The following CGREF1 variants were observed in gnomAD, a reference collection of about 807,000 sequenced individuals.
The protein encoded by CGREF1 is cell growth regulator with EF-hand domain 1, also known as cell growth regulator with EF hand domain protein 1.
A neutral mutation model predicts 17.4 loss-of-function variants in CGREF1; 16 were observed. The observed-to-expected ratio is 0.92, with a 90% CI of 0.62 to 1.40. The LOEUF (loss-of-function observed/expected upper bound fraction) is 1.40, where lower values mean the gene tolerates loss of function less well. Among genes scored for constraint, CGREF1 ranks in the 40% most tolerant of loss-of-function variants. The probability of loss-of-function intolerance (pLI) is 0.00; values close to 1 mark genes in which losing one functional copy is unlikely to be tolerated. For missense variants in CGREF1, 296 were observed against 376.4 expected (o/e 0.79, Z 1.77); for synonymous variants, 142 against 154.6 (o/e 0.92, Z 0.61).
chr2:27,117,780 C>T (rs1443421940), intron 1 of CGREF1, among the ~76,000 whole-genome samples: 1 of 149,744 alleles, frequency 6.7e-6, no homozygotes, highest in African/African-American at 2.5e-5. Flanking sequence ...ACGATCTCGG[C>T]TCACAGCAAG....
At chr2:27,111,142 G>GC (rs538875845) in intron 1 of CGREF1, among the ~76,000 whole-genome samples, 98 of 152,272 alleles carry the variant, frequency 6.4e-4, no homozygotes, top group African/African-American at 1.0e-3. Flanking sequence ...CTCTTATCCG[G>GC]CCCCCACCCA....
intron 2 of CGREF1, chr2:27,102,830 AAAC>A: frequency 1.4e-6 from 1 of 712,656 alleles, no homozygotes; most frequent in African/African-American, 1.9e-5. Flanking sequence ...AACCCAAATA[AAAC>A]AACTGGTTAG....
chr2:27,110,406 T>TACAC (rs56066812), intron 1 of CGREF1, among the ~76,000 whole-genome samples: 1 of 150,744 alleles, frequency 6.6e-6, no homozygotes, highest in Admixed American at 6.6e-5. Flanking sequence ...TCCAAAAAAA[T>TACAC]ACACACACAC....
intron 1 of CGREF1, among the ~76,000 whole-genome samples, chr2:27,105,380 A>G (rs554699586): frequency 6.6e-6 from 1 of 152,176 alleles, no homozygotes; most frequent in African/African-American, 2.4e-5. Context: ...CACTGCCAGG[A>G]TGGACTTCCA....
intron 1 of CGREF1, among the ~76,000 whole-genome samples, chr2:27,106,327 C>T (rs1033191073): frequency 4.6e-5 from 7 of 152,204 alleles, no homozygotes; most frequent in African/African-American, 1.7e-4. Context: ...TTAGGAGTAT[C>T]TGCCAAACCA....
chr2:27,100,269 G>A, downstream of CGREF1: 1 of 418,038 alleles, frequency 2.4e-6, no homozygotes, highest in South Asian at 1.9e-5. Context: ...CCACACCGCT[G>A]AGCTGAACTG....
chr2:27,102,981 C>T (rs1173131609), intron 2 of CGREF1: 1 of 985,286 alleles, frequency 1.0e-6, no homozygotes, highest in Non-Finnish European at 1.2e-6. Context: ...TCTGGCTGAG[C>T]CTGGTGGCAC....
chr2:27,104,525 C>A lies in CGREF1; in HGVS notation c.-11-148G>T, dbSNP rs1340364147. On this transcript the variant is annotated intron_variant, in intron 1 of 5. Coordinates refer to ENST00000402394, the MANE Select transcript of CGREF1 (RefSeq NM_006569.6). ...CTCCTGCTCAGGGAGGACTCACAGA[C>A]AGACAGCAGGGATCCCATGGAACTA... 5.8e-6 allele frequency: 9 copies of A among 1,550,962 alleles called. No homozygotes were observed. The South Asian group carries it at 1.1e-4, about 18-fold the overall frequency.
chr2:27,101,841 C>T lies in CGREF1; in HGVS notation c.390G>A (p.Gly130=). 6.2e-7 allele frequency: 1 copy of T among 1,614,024 alleles called. No individual in the cohort carries two copies. The highest frequency in any genetic ancestry group is 8.5e-7 in the Non-Finnish European group (1 of 1,180,002). ...DKVLETQDLN[G]DGLMTPAELI... ...GCTCAGCAGGGGTCATGAGCCCATC[C>T]CCATTCAGGTCCTGGGTCTCGAGCA... The change falls in exon 6 of 6, where the codon GGG becomes GGA. Residue 130 remains glycine (G), a synonymous_variant. Transcript: ENST00000402394.
intron 1 of CGREF1, among the ~76,000 whole-genome samples, chr2:27,109,947 T>C (rs1572900116): frequency 7.6e-6 from 1 of 132,106 alleles, no homozygotes; most frequent in African/African-American, 2.8e-5. Context: ...ATTAAAAAAT[T>C]AGAACTGGAA....
chr2:27,102,822 C>A (rs2148381864), intron 2 of CGREF1: 3 of 684,232 alleles, frequency 4.4e-6, no homozygotes, highest in Non-Finnish European at 5.4e-6. Context: ...TAAATGAAAA[C>A]CCAAATAAAA....
At position 27,106,095 on chromosome 2, in the gene CGREF1, G is replaced by A. The variant is rs77475504; in HGVS notation, c.-11-1718C>T. 9.3e-3 allele frequency among the ~76,000 whole-genome samples: 1,420 copies of A among 152,256 alleles called. 21 individuals are homozygous for A. The highest frequency in any genetic ancestry group is 0.033 in the African/African-American group (1,354 of 41,524). On this transcript the variant is annotated intron_variant, in intron 1 of 5. Coordinates refer to ENST00000402394, the MANE Select transcript of CGREF1 (RefSeq NM_006569.6). ...GAGATCTCTGTATCAACATGAAACC[G>A]TCAAAGGGTCACAGCCCAGAAAAAG... is the stretch of plus-strand genomic sequence containing the variant.
At position 27,102,087 on chromosome 2, in the gene CGREF1, C is replaced by T. The variant is rs753560104; in HGVS notation, c.342+10G>A. 4.4e-6 allele frequency: 7 copies of T among 1,598,452 alleles called. No homozygotes were observed. Among genetic ancestry groups the T allele is most frequent in the Non-Finnish European group, 6.0e-6 (7 of 1,168,984 alleles). On this transcript the variant is annotated intron_variant, in intron 5 of 5. Transcript: ENST00000402394. ...CCTTTATGCGGGGATCTCCATCCAG[C>T]AGAGCTTACCGGGTTGGTGGTAGGA... is the stretch of plus-strand genomic sequence containing the variant.
intron 1 of CGREF1, among the ~76,000 whole-genome samples, chr2:27,111,123 G>A (rs1671362879): frequency 6.6e-6 from 1 of 152,222 alleles, no homozygotes; most frequent in Non-Finnish European, 1.5e-5. Context: ...CTGGCAGCCT[G>A]CTTTTATTCT....
rs187286475 is a variant in CGREF1 at position 27,112,900 on chromosome 2, G to A, written c.-12+5946C>T. On this transcript the variant is annotated intron_variant, in intron 1 of 5. Transcript: ENST00000402394. ...TGCCGCTAGTGTGTGGAGGCTTCCC[G>A]GGTCCCCAGAAGGGTGGGGTTCCAC... is the stretch of plus-strand genomic sequence containing the variant. Among the ~76,000 whole-genome samples, 8 of 152,288 alleles carry A rather than the reference G, an allele frequency of 5.3e-5. No homozygotes were observed. The South Asian group carries it at 8.3e-4, about 16-fold the overall frequency.
intron 1 of CGREF1, among the ~76,000 whole-genome samples, chr2:27,109,132 A>G (rs1044506115): frequency 6.6e-6 from 1 of 151,926 alleles, no homozygotes; most frequent in Non-Finnish European, 1.5e-5. Context: ...CACTTTGGGA[A>G]GCTGAGGTGG....
downstream of CGREF1, chr2:27,099,912 C>A (rs1670702552): frequency 6.7e-7 from 1 of 1,497,180 alleles, no homozygotes; most frequent in African/African-American, 1.4e-5. Context: ...GGGAGAGGCT[C>A]TGGGGGGATG....
intron 2 of CGREF1, among the ~76,000 whole-genome samples, chr2:27,103,856 G>A (rs762388319): frequency 1.3e-5 from 2 of 151,958 alleles, no homozygotes; most frequent in Non-Finnish European, 1.5e-5. Flanking sequence ...GGTGGCGGGC[G>A]CCTGTAGTCC....
At chr2:27,104,819 C>A in intron 1 of CGREF1, 1 of 1,446,532 alleles carries the variant, frequency 6.9e-7, no homozygotes, top group South Asian at 1.5e-5. Flanking sequence ...GACTTAAACA[C>A]AGGCAAAAAG....
Sources: allele counts gnomAD v4.1 joint callset (sites outside exome capture counted in the v4.1 genomes callset), GRCh38; gene constraint gnomAD v4.1.1; transcripts MANE v1.5; gene names NCBI Gene and HGNC (gene_info 2026-07-23, HGNC 2026-07-21).